CCDC191: variants seen among roughly 807,000 people sequenced by gnomAD.
CCDC191 encodes the protein coiled-coil domain-containing protein 191.
CCDC191 carries 99 observed loss-of-function variants against 114.0 expected under a neutral mutation model. The ratio of observed to expected loss-of-function variants is 0.87; its 90% CI spans 0.74 to 1.03. The LOEUF (loss-of-function observed/expected upper bound fraction) is 1.03. CCDC191 is among the 50% of genes least tolerant of loss of function. CCDC191 has a pLI of 0.00. For missense variants in CCDC191, 973 were observed against 1,087.0 expected, an observed-to-expected ratio of 0.90 and a Z score of 1.47; for synonymous variants, 351 against 376.0, an observed-to-expected ratio of 0.93 and a Z score of 0.77.
chr3:114,053,681 T>C, intron 1 of CCDC191, 46 bp from the exon 2 acceptor site: 2 of 1,357,696 alleles, frequency 1.5e-6, no homozygotes, highest in Non-Finnish European at 2.1e-6. Context: ...AATATCTTTA[T>C]CAACTTTGCC....
intron 9 of CCDC191, among the ~76,000 whole-genome samples, chr3:114,008,040 ATATATATATTACTATATATATAAATTAC>A (rs1236988872): frequency 3.2e-4 from 47 of 146,646 alleles, no homozygotes; most frequent in South Asian, 1.1e-3. Context: ...ATAAATTACT[ATATATATATTACTATATATATAAATTAC>A]TATATATATT....
rs371954360 is a variant in CCDC191 at position 114,018,876 on chromosome 3, G to A, written c.973-8C>T. On this transcript the variant is annotated splice_region_variant and splice_polypyrimidine_tract_variant and intron_variant, in intron 7 of 16. Coordinates refer to ENST00000295878, the MANE Select transcript of CCDC191 (RefSeq NM_020817.2). ...GAAATACCGTTTTTGACACTGCAGC[G>A]GAAATATTAGGAAAATCACCACCCA... 3.9e-5 allele frequency: 63 copies of A among 1,611,764 alleles called. No homozygotes were observed. The highest frequency in any genetic ancestry group is 5.3e-5 in the African/African-American group (4 of 74,776).
At chr3:114,048,715 G>A (rs181816763) in intron 2 of CCDC191, among the ~76,000 whole-genome samples, 13 of 152,106 alleles carry the variant, frequency 8.5e-5, no homozygotes, top group African/African-American at 2.7e-4. Flanking sequence ...CCTTCTCCCC[G>A]TCCTCTGCTC....
Position 113,979,081 on chromosome 3 carries a change from G to T in CCDC191, c.2308-71C>A, listed in dbSNP as rs2075044459. The T allele has an allele frequency of 1.2e-5, 17 of 1,403,292 alleles. No homozygotes were observed. In the South Asian group the frequency reaches 2.1e-4, roughly 17 times the overall value. 86.9% of individuals were successfully genotyped at this position (1,403,292 alleles called of 1,614,324 possible). On this transcript the variant is annotated intron_variant, in intron 14 of 16. Transcript: ENST00000295878. Reference sequence around the variant, plus strand: ...TCATTTAAACAAACACATCACCTTTGGAAATGATGCTATAAAACACATTTA... The same window carrying T: ...TCATTTAAACAAACACATCACCTTTTGAAATGATGCTATAAAACACATTTA...
In CCDC191 at chr3:114,035,051, A is replaced by T. The variant is rs747134807; in HGVS notation, c.692T>A (p.Val231Glu). 16 of 1,613,814 alleles carry T rather than the reference A, an allele frequency of 9.9e-6. No individual in the cohort carries two copies. In the East Asian group the frequency reaches 1.6e-4, roughly 16 times the overall value. The change falls in exon 6 of 17, where the codon GTG becomes GAG. Residue 231 changes from valine to glutamate, a missense_variant. Physicochemically the swap from Val to Glu is moderately radical, Grantham distance 121. Transcript: ENST00000295878. Reference protein sequence around the residue: ...KSAFLEAQCLVQEEKKRKALE... With the variant: ...KSAFLEAQCLEQEEKKRKALE... ...AGCCTTCCTTTTCTTCTCTTCTTGC[A>T]CCAGACACTGAGCCTCCAAGAAGGC...
chr3:114,001,610 C>T lies in CCDC191; in HGVS notation c.2148G>A (p.Lys716=), dbSNP rs888443284. Residue 716 remains lysine (K), a synonymous_variant, in exon 13 of 17, where the codon AAG becomes AAA. Transcript: ENST00000295878. ...CAATACTAACCATTTTCTTCAGTCT[C>T]TTCTCTTCTCGTTTTCTTTCAAGCT... ...EAQLERKREE[K]RLKKMKELEK... The T allele has an allele frequency of 1.2e-6, 2 of 1,613,810 alleles. No individual in the cohort carries two copies. Among genetic ancestry groups the T allele is most frequent in the African/African-American group, 2.7e-5 (2 of 75,020 alleles).
intron 13 of CCDC191, among the ~76,000 whole-genome samples, chr3:113,990,852 G>C (rs1337339131): frequency 6.9e-6 from 1 of 145,514 alleles, no homozygotes; most frequent in African/African-American, 2.6e-5. Flanking sequence ...TAGAATCCCA[G>C]CTACTCAGGA....
intron 9 of CCDC191, among the ~76,000 whole-genome samples, chr3:114,010,035 T>C (rs922477554): frequency 2.6e-5 from 4 of 152,172 alleles, no homozygotes; most frequent in African/African-American, 9.7e-5. Context: ...TTCTGAGGTA[T>C]ACTCTCAGTT....
chr3:114,003,095 T>C (rs2075884871), intron 11 of CCDC191: 1 of 985,306 alleles, frequency 1.0e-6, no homozygotes, highest in Admixed American at 6.2e-5. Flanking sequence ...GGAAATGGAA[T>C]TGTACCAGGC....
intron 9 of CCDC191, 27 bp from the exon 10 acceptor site, chr3:114,005,989 C>G (rs926718666): frequency 6.3e-7 from 1 of 1,581,722 alleles, no homozygotes. Flanking sequence ...TGTTATAGCT[C>G]AACTATTTAA....
intron 13 of CCDC191, among the ~76,000 whole-genome samples, chr3:113,992,802 C>T (rs902924222): frequency 2.0e-5 from 3 of 152,194 alleles, no homozygotes; most frequent in African/African-American, 7.2e-5. Context: ...CTTCCACACT[C>T]ATTTTATGAG....
chr3:113,994,580 CTT>C lies in CCDC191; in HGVS notation c.2163+7013_2163+7014del, dbSNP rs35624147. Among the ~76,000 whole-genome samples, 1,043 of 128,878 alleles carry C rather than the reference CTT, an allele frequency of 8.1e-3. 5 individuals carry two copies. The highest frequency in any genetic ancestry group is 0.019 in the African/African-American group (657 of 34,410). The allele number at this position is 128,878 out of a possible 152,430, so 84.5% of individuals were successfully genotyped here. ...AATTGAAAACTTAAAAAACTAAATT[CTT>C]TTTTTTTTTTTTTTTTTTAGAAACA... On this transcript the variant is annotated intron_variant, in intron 13 of 16. Coordinates refer to ENST00000295878, the MANE Select transcript of CCDC191 (RefSeq NM_020817.2).
intron 12 of CCDC191, 175 bp from the exon 13 acceptor site, chr3:114,001,871 AAAAGTTTCTC>A (rs1168357516): frequency 7.0e-5 from 48 of 682,090 alleles, no homozygotes; most frequent in Non-Finnish European, 1.1e-4. Context: ...TACGTAACTT[AAAAGTTTCTC>A]CAAAAGAATC....
chr3:113,970,479 C>T (rs1940687701), intron 16 of CCDC191, among the ~76,000 whole-genome samples: 1 of 151,998 alleles, frequency 6.6e-6, no homozygotes, highest in Admixed American at 6.6e-5. Context: ...TTATTTTTTT[C>T]TCTTGTCTAA....
At chr3:113,996,769 G>C (rs1459459100) in intron 13 of CCDC191, among the ~76,000 whole-genome samples, 2 of 147,520 alleles carry the variant, frequency 1.4e-5, no homozygotes, top group African/African-American at 5.0e-5. Context: ...ACTAATACAG[G>C]AACAGAAAAC....
rs777074210 is a variant in CCDC191, at chr3:114,056,406, T to C, written c.61A>G (p.Lys21Glu). Residue 21 changes from lysine to glutamate, a missense_variant, in exon 1 of 17, where the codon AAA (lysine) becomes GAA (glutamate). Coordinates refer to ENST00000295878, the MANE Select transcript of CCDC191 (RefSeq NM_020817.2). ...GGACTCGGCTTCCTTGTGAACCGTT[T>C]CCAGCGATTCAGCCCCATCCTTTTC... is the stretch of plus-strand genomic sequence containing the variant. ...SKKRMGLNRW[K>E]RFTRKPSPKP... 1.2e-6 allele frequency: 2 copies of C among 1,614,176 alleles called. No individual in the cohort carries two copies. The highest frequency in any genetic ancestry group is 1.7e-5 in the Admixed American group (1 of 60,024).
chr3:114,028,898 GAAAT>G (rs2076363462), intron 7 of CCDC191, among the ~76,000 whole-genome samples: 1 of 150,806 alleles, frequency 6.6e-6, no homozygotes, highest in Non-Finnish European at 1.5e-5. Context: ...GATAGACACA[GAAAT>G]AAATATAATG....
chr3:113,968,504 A>C (rs1940455826), intron 16 of CCDC191, among the ~76,000 whole-genome samples: 1 of 151,120 alleles, frequency 6.6e-6, no homozygotes, highest in Non-Finnish European at 1.5e-5. Flanking sequence ...GCTGGACTGT[A>C]GCAGTGTGAT....
chr3:113,991,766 C>G (rs1253116617), intron 13 of CCDC191, among the ~76,000 whole-genome samples: 2 of 152,074 alleles, frequency 1.3e-5, no homozygotes, highest in African/African-American at 4.8e-5. Context: ...TAGACTATTC[C>G]AAATAATTTA....
Sources: allele counts gnomAD v4.1 joint callset (sites outside exome capture counted in the v4.1 genomes callset), GRCh38; gene constraint gnomAD v4.1.1; transcripts MANE v1.5; gene names NCBI Gene and HGNC (gene_info 2026-07-23, HGNC 2026-07-21).